The following CAPN15 variants were observed in gnomAD, a reference collection of about 807,000 sequenced individuals.
CAPN15 encodes calpain-15.
CAPN15 carries 53 observed loss-of-function variants against 97.9 expected under a neutral mutation model. The observed-to-expected ratio is 0.54, with a 90% CI of 0.43 to 0.68. The LOEUF is 0.68. CAPN15 is among the 30% of genes least tolerant of loss of function. CAPN15 has a pLI of 0.00. For synonymous variants in CAPN15, 922 were observed against 722.5 expected (o/e 1.28, Z -4.43); for missense variants, 1,592 against 1,589.8 (o/e 1.00, Z -0.02).
rs74003979 is a variant in CAPN15, at chr16:547,150, A to G, written c.312A>G (p.Glu104=). ...AGCCCAAGGGCAGCTGCCAGGAGGA[A>G]GCAGGTCCAGTGAGGACTGCGGGGC... ...LGEPKGSCQE[E]AGPVRTAGLV... Residue 104 remains glutamate (E), a synonymous_variant, in exon 4 of 14, where the codon GAA becomes GAG. Transcript: ENST00000219611. 1,159 of 1,550,316 alleles carry G rather than the reference A, an allele frequency of 7.5e-4. 7 individuals carry two copies. The African/African-American group carries it at 0.014, about 19-fold the overall frequency.
At position 547,694 on chromosome 16, in the gene CAPN15, C is replaced by A. The variant is rs1388817311; in HGVS notation, c.856C>A (p.Leu286Ile). 3.1e-6 allele frequency: 5 copies of A among 1,596,214 alleles called. No homozygotes were observed. In the East Asian group the frequency reaches 1.1e-4, roughly 36 times the overall value. The change falls in exon 4 of 14, where the codon CTA becomes ATA. Residue 286 changes from leucine (L) to isoleucine (I), a missense_variant. Transcript: ENST00000219611. ...CTCGGGCTGGGCTGGGGCCTCCCGCCTAGCAGAGTTGCTGTCTGGCAAGCG... is the reference window on the plus strand; with the variant it reads ...CTCGGGCTGGGCTGGGGCCTCCCGCATAGCAGAGTTGCTGTCTGGCAAGCG... ...QGSGWAGASR[L>I]AELLSGKRLS...
chr16:541,210 G>T (rs1247087269), intron 3 of CAPN15, among the ~76,000 whole-genome samples: 1 of 152,268 alleles, frequency 6.6e-6, no homozygotes, highest in South Asian at 2.1e-4. Flanking sequence ...CAGGTGGCCA[G>T]GCCTGGGAAC....
rs777913347 is a variant in CAPN15 at position 548,171 on chromosome 16, C to T, written c.1333C>T (p.Arg445Trp). 3.9e-5 allele frequency: 59 copies of T among 1,528,504 alleles called. No homozygotes were observed. In the Admixed American group the frequency reaches 1.1e-3, roughly 27 times the overall value. The allele number at this position is 1,528,504 out of a possible 1,614,324, so 94.7% of individuals were successfully genotyped here. Residue 445 changes from arginine (R) to tryptophan (W), a missense_variant, in exon 4 of 14, where the codon CGG becomes TGG. Arg to Trp is a moderately radical substitution (Grantham distance 101). Transcript: ENST00000219611. ...CACGCCTCAGCTCCTGGTGGCCCAG[C>T]GGCGGGGGGCCGCGCCCCTGAGGCG... ...CHTPQLLVAQ[R>W]RGAAPLRRRE...
At chr16:531,630 G>T (rs1567132383) in intron 1 of CAPN15, among the ~76,000 whole-genome samples, 1 of 141,808 alleles carries the variant, frequency 7.1e-6, no homozygotes, top group Non-Finnish European at 1.5e-5. Flanking sequence ...GGTGACAGGT[G>T]CCCCCAGGGC....
chr16:538,707 G>T (rs937080493), intron 3 of CAPN15: 1 of 152,218 alleles, frequency 6.6e-6, no homozygotes, highest in African/African-American at 2.4e-5. Context: ...AAGGGCTGGC[G>T]CGTCTGCTGT....
At position 554,548 on chromosome 16, in the gene CAPN15, T is replaced by A. The variant is rs1260566612; in HGVS notation, c.*1032T>A. On this transcript the variant is annotated 3_prime_UTR_variant, in exon 14 of 14. Coordinates refer to ENST00000219611, the MANE Select transcript of CAPN15 (RefSeq NM_005632.3). The stretch of plus-strand genomic sequence containing the variant: ...GTGACACAGAGACTATTTTATCAAT[T>A]GTCAGTCCCGTTCCTTTACCATAGG... 2.2e-6 allele frequency: 1 copy of A among 456,230 alleles called. No homozygotes were observed. Among genetic ancestry groups the A allele is most frequent in the East Asian group, 6.9e-5 (1 of 14,396 alleles). The allele number at this position is 456,230 out of a possible 1,614,324, so 28.3% of individuals were successfully genotyped here. A position where few individuals can be genotyped will look rare whatever the true frequency, so the allele number is the denominator to read the frequency against.
Position 551,175 on chromosome 16 carries a change from G to T in CAPN15, c.2067-127G>T, listed in dbSNP as rs1487016078. ...AGGGCGCCCCGTCGGTGAGGGTCCC[G>T]GTCGGTGAGGGCCCCGGTCGGTGAG... On this transcript the variant is annotated intron_variant, in intron 7 of 13. Coordinates refer to ENST00000219611, the MANE Select transcript of CAPN15 (RefSeq NM_005632.3). The T allele has an allele frequency of 1.7e-5, 22 of 1,329,966 alleles. 3 individuals carry two copies. The African/African-American group carries it at 4.2e-4, about 25-fold the overall frequency. The allele number at this position is 1,329,966 out of a possible 1,614,324, so 82.4% of individuals were successfully genotyped here.
chr16:534,264 T>TGAGG, intron 2 of CAPN15, among the ~76,000 whole-genome samples: 1 of 29,818 alleles, frequency 3.4e-5, no homozygotes, highest in African/African-American at 7.3e-4. Flanking sequence ...ACCTCCCCTG[T>TGAGG]GCTGTGGCCC....
chr16:549,761 C>T lies in CAPN15; in HGVS notation c.1989C>T (p.Leu663=). 1.9e-6 allele frequency: 3 copies of T among 1,592,184 alleles called. No homozygotes were observed. The highest frequency in any genetic ancestry group is 2.7e-5 in the African/African-American group (2 of 74,348). The change falls in exon 7 of 14, where the codon CTC becomes CTT. Residue 663 remains leucine (L), a synonymous_variant. Transcript: ENST00000219611. Reference sequence around the variant, plus strand: ...CCTGTGAGAGCCTGGCGCTGCAGCTCAGCTCCACTAACCCCCGCGAGGAGC... The same window carrying T: ...CCTGTGAGAGCCTGGCGCTGCAGCTTAGCTCCACTAACCCCCGCGAGGAGC... ...GAPCESLALQ[L]SSTNPREEPV...
intron 7 of CAPN15, 45 bp from the exon 8 acceptor site, chr16:551,257 C>T: frequency 1.3e-6 from 2 of 1,521,988 alleles, no homozygotes; most frequent in East Asian, 2.3e-5. Flanking sequence ...TGAGGGTCCC[C>T]TGTCGGTGAG....
rs1383663457 is a variant in CAPN15 at position 547,087 on chromosome 16, C to G, written c.249C>G (p.Leu83=). Residue 83 remains leucine, a synonymous_variant, in exon 4 of 14, where the codon CTC becomes CTG. Coordinates refer to ENST00000219611, the MANE Select transcript of CAPN15 (RefSeq NM_005632.3). ...CTGGGGCTGCCTTCCTGCCAGTCCT[C>G]AACGGGGTCCTCCCCAAGCCACCCG... ...PAPGAAFLPV[L]NGVLPKPPAI... is the part of the protein sequence containing the mutation. 2.5e-6 allele frequency: 4 copies of G among 1,591,736 alleles called. No homozygotes were observed. Among genetic ancestry groups the G allele is most frequent in the Non-Finnish European group, 3.4e-6 (4 of 1,170,650 alleles).
At position 552,958 on chromosome 16, in the gene CAPN15, G is replaced by A; in HGVS notation, c.3000G>A (p.Val1000=). The change falls in exon 13 of 14, where the codon GTG becomes GTA. Residue 1000 remains valine, a synonymous_variant. Transcript: ENST00000219611. This position sits in a 1 kb window ranked among gnomAD's most constrained non-coding sequence, Gnocchi z 6.4. ...GACACCCCAAGGCCTACCTGCACGTGCAGTGTGACTGCACCGACAGCTTCA... is the reference window on the plus strand; with the variant it reads ...GACACCCCAAGGCCTACCTGCACGTACAGTGTGACTGCACCGACAGCTTCA... ...ENRHPKAYLH[V]QCDCTDSFNV... The A allele has an allele frequency of 6.2e-7, 1 of 1,611,896 alleles. No homozygotes were observed. The highest frequency in any genetic ancestry group is 2.2e-5 in the East Asian group (1 of 44,836).
intron 9 of CAPN15, 179 bp from the exon 10 acceptor site, chr16:551,872 C>A: frequency 1.0e-6 from 1 of 964,822 alleles, no homozygotes; most frequent in Non-Finnish European, 1.6e-6. Context: ...GAAGAGCCGG[C>A]CCTGGAGGGC....
At chr16:531,219 G>T (rs900201843) in intron 1 of CAPN15, among the ~76,000 whole-genome samples, 1 of 151,810 alleles carries the variant, frequency 6.6e-6, no homozygotes, top group African/African-American at 2.4e-5. Flanking sequence ...TTATTTTTTT[G>T]AGCCAGGGTC....
In CAPN15 at chr16:551,296, A is replaced by C. The variant is rs536480278; in HGVS notation, c.2067-6A>C. 5.7e-6 allele frequency: 9 copies of C among 1,592,652 alleles called. No individual in the cohort carries two copies. In the African/African-American group the frequency reaches 9.4e-5, roughly 17 times the overall value. ...CCCGGTCGGTGAGGGCCGCTCTGCC[A>C]CACAGGTTCCTCATGGGTGCCTCCT... On this transcript the variant is annotated splice_polypyrimidine_tract_variant and splice_region_variant and intron_variant, in intron 7 of 13. Coordinates refer to ENST00000219611, the MANE Select transcript of CAPN15 (RefSeq NM_005632.3).
Position 553,467 on chromosome 16 carries a change from C to T in CAPN15, c.3212C>T (p.Pro1071Leu). The T allele has an allele frequency of 6.2e-7, 1 of 1,611,458 alleles. No homozygotes were observed. ...DWTASKGTHS[P>L]PLTPEVAGLH... ...ACAGCCTCCAAGGGGACCCACAGCC[C>T]CCCACTCACGCCAGAGGTCGCCGGT... Residue 1071 changes from proline to leucine, a missense_variant, in exon 14 of 14, where the codon CCC (proline) becomes CTC (leucine). Coordinates refer to ENST00000219611, the MANE Select transcript of CAPN15 (RefSeq NM_005632.3).
intron 1 of CAPN15, among the ~76,000 whole-genome samples, chr16:530,921 T>C (rs1048900018): frequency 1.3e-5 from 2 of 152,192 alleles, no homozygotes; most frequent in Non-Finnish European, 2.9e-5. Context: ...ATGAGTCCCG[T>C]CGGGTCATGG....
intron 3 of CAPN15, chr16:539,961 A>G (rs2034000212): frequency 3.8e-6 from 2 of 527,672 alleles, no homozygotes; most frequent in Non-Finnish European, 2.4e-6. Flanking sequence ...CTGCACTGAG[A>G]TGTCCCCTCA....
Position 546,893 on chromosome 16 carries a change from G to T in CAPN15, c.55G>T (p.Gly19Cys), listed in dbSNP as rs2071923. ...CVRCTFLNPA[G>C]QRQCSICEAP... ...GCGCTGCACCTTCCTGAACCCGGCC[G>T]GCCAGCGCCAGTGCTCCATCTGCGA... Residue 19 changes from glycine to cysteine, a missense_variant, in exon 4 of 14, where the codon GGC (glycine) becomes TGC (cysteine). Gly to Cys is a radical substitution (Grantham distance 159, BLOSUM62 -3). Coordinates refer to ENST00000219611, the MANE Select transcript of CAPN15 (RefSeq NM_005632.3). The T allele has an allele frequency of 2.2e-4, 347 of 1,611,540 alleles. 1 individual carries two copies. The East Asian group carries it at 7.6e-3, about 35-fold the overall frequency.
Sources: gnomAD v4.1 joint callset for allele counts (sites outside exome capture counted in the v4.1 genomes callset) on GRCh38, gnomAD v4.1.1 for gene constraint, Gnocchi (gnomAD v3.1) non-coding constraint, MANE v1.5 for transcripts, NCBI Gene and HGNC (gene_info 2026-07-23, HGNC 2026-07-21) for gene names.